CATSPERB: variants seen among roughly 807,000 people sequenced by gnomAD.
CATSPERB encodes the protein catsper channel auxiliary subunit beta.
Under a neutral mutation model 128.3 loss-of-function variants are expected in CATSPERB, and 93 were observed. The ratio of observed to expected loss-of-function variants is 0.72; its 90% confidence interval spans 0.61 to 0.86. The LOEUF (loss-of-function observed/expected upper bound fraction) is 0.86, where lower values mean the gene tolerates loss of function less well. Ranked by LOEUF, CATSPERB falls within the 40% of genes least tolerant of loss-of-function variation. CATSPERB has a pLI of 0.00. For missense variants in CATSPERB, 1,153 were observed against 1,329.5 expected (o/e 0.87, Z 2.06); for synonymous variants, 381 against 448.8 (o/e 0.85, Z 1.91).
intron 25 of CATSPERB, 60 bp downstream of exon 25, chr14:91,587,918 G>T (rs1289558613): frequency 1.9e-6 from 2 of 1,061,484 alleles, no homozygotes; most frequent in Non-Finnish European, 2.9e-6. Context: ...ACCAATCTTA[G>T]TTTAGACATA....
intron 17 of CATSPERB, among the ~76,000 whole-genome samples, chr14:91,627,281 A>T (rs1193891567): frequency 1.3e-5 from 2 of 152,216 alleles, no homozygotes; most frequent in African/African-American, 4.8e-5. Flanking sequence ...TACTAGGAGA[A>T]AATATTTTCA....
chr14:91,631,874 T>G (rs1335883970), intron 17 of CATSPERB, among the ~76,000 whole-genome samples: 1 of 152,064 alleles, frequency 6.6e-6, no homozygotes, highest in Non-Finnish European at 1.5e-5. Context: ...ATAAAGTTAT[T>G]AAGTAACTTT....
chr14:91,591,864 G>C (rs1893410078), intron 23 of CATSPERB, 28 bp downstream of exon 23: 1 of 1,423,088 alleles, frequency 7.0e-7, no homozygotes, highest in Non-Finnish European at 9.9e-7. Flanking sequence ...AAAGTATCCT[G>C]TATTCAGGTA....
At chr14:91,678,450 T>C (rs2139836173) in intron 11 of CATSPERB, among the ~76,000 whole-genome samples, 1 of 152,306 alleles carries the variant, frequency 6.6e-6, no homozygotes, top group Admixed American at 6.5e-5. Context: ...TAAAAGCTAT[T>C]GGATATTTGT....
At position 91,589,516 on chromosome 14, in the gene CATSPERB, G is replaced by C; in HGVS notation, c.2956+18C>G. The stretch of plus-strand genomic sequence containing the variant: ...TTACTTATCAGATAAAATAATTACA[G>C]ATGAAAGCAAACCCTACTCAGTTTC... On this transcript the variant is annotated intron_variant, in intron 24 of 26. Coordinates refer to ENST00000256343, the MANE Select transcript of CATSPERB (RefSeq NM_024764.4). 1 of 1,603,396 alleles carries C rather than the reference G, an allele frequency of 6.2e-7. No homozygotes were observed. The highest frequency in any genetic ancestry group is 8.5e-7 in the Non-Finnish European group (1 of 1,174,758).
intron 7 of CATSPERB, among the ~76,000 whole-genome samples, chr14:91,696,539 G>T (rs1895565882): frequency 6.6e-6 from 1 of 152,146 alleles, no homozygotes; most frequent in Non-Finnish European, 1.5e-5. Flanking sequence ...AGATAAAATG[G>T]GAGGTGGAAA....
At position 91,672,975 on chromosome 14, in the gene CATSPERB, C is replaced by G. The variant is rs1895125537; in HGVS notation, c.1020G>C (p.Trp340Cys). The G allele has an allele frequency of 6.3e-6, 10 of 1,588,298 alleles. No homozygotes were observed. Among genetic ancestry groups the G allele is most frequent in the Non-Finnish European group, 8.5e-6 (10 of 1,174,050 alleles). Residue 340 changes from tryptophan to cysteine, a missense_variant, in exon 13 of 27, where the codon TGG becomes TGC. By Grantham distance (215) the Trp-to-Cys change is radical. Coordinates refer to ENST00000256343, the MANE Select transcript of CATSPERB (RefSeq NM_024764.4). Reference sequence around the variant, plus strand: ...TAAAAATGTGAGGTAAGCAGGGTACCCATTCAAGAAATGGTTCCTGACTAT... The same window carrying G: ...TAAAAATGTGAGGTAAGCAGGGTACGCATTCAAGAAATGGTTCCTGACTAT... ...CFYSQEPFLE[W>C]VPCLPHIFKG...
Position 91,608,343 on chromosome 14 carries a change from T to C in CATSPERB, c.2660A>G (p.His887Arg). The change falls in exon 22 of 27, where the codon CAT (histidine) becomes CGT (arginine). Residue 887 changes from histidine (H) to arginine (R), a missense_variant. Physicochemically the swap from His to Arg is conservative, Grantham distance 29. Transcript: ENST00000256343. ...IAIPLTDNFY[H>R]ADPSKPIPRN... ...TGGTATGGGTTTGCTAGGATCTGCA[T>C]GATAAAAATTATCTGTGAGTGGAAT... is the stretch of plus-strand genomic sequence containing the variant. The C allele has an allele frequency of 6.2e-7, 1 of 1,613,022 alleles. No individual in the cohort carries two copies. Among genetic ancestry groups the C allele is most frequent in the Non-Finnish European group, 8.5e-7 (1 of 1,179,124 alleles).
chr14:91,656,291 A>G (rs190803783), intron 15 of CATSPERB, among the ~76,000 whole-genome samples: 51 of 152,292 alleles, frequency 3.3e-4, no homozygotes, highest in Non-Finnish European at 6.8e-4. Context: ...ACAGAATATT[A>G]TAACATGTTA....
intron 19 of CATSPERB, 139 bp downstream of exon 19, chr14:91,621,469 G>A: frequency 1.6e-6 from 1 of 610,592 alleles, no homozygotes; most frequent in Non-Finnish European, 2.8e-6. Context: ...TCAATAATTA[G>A]GCACTAATAC....
intron 6 of CATSPERB, among the ~76,000 whole-genome samples, chr14:91,707,274 T>C (rs1444599214): frequency 6.6e-6 from 1 of 152,198 alleles, no homozygotes; most frequent in Non-Finnish European, 1.5e-5. Flanking sequence ...GTGAAGCTTT[T>C]TGCTGCAATT....
chr14:91,672,085 C>T (rs1343301320), intron 13 of CATSPERB, among the ~76,000 whole-genome samples: 1 of 151,892 alleles, frequency 6.6e-6, no homozygotes, highest in Non-Finnish European at 1.5e-5. Context: ...AAATTTTAAC[C>T]TCATCACTGA....
At chr14:91,616,565 G>A (rs1893938413) in intron 20 of CATSPERB, among the ~76,000 whole-genome samples, 1 of 152,044 alleles carries the variant, frequency 6.6e-6, no homozygotes, top group African/African-American at 2.4e-5. Context: ...TAGGAGTTTA[G>A]TAAGCTACAT....
At chr14:91,706,767 T>C (rs1895739765) in intron 6 of CATSPERB, among the ~76,000 whole-genome samples, 1 of 152,188 alleles carries the variant, frequency 6.6e-6, no homozygotes, top group Admixed American at 6.5e-5. Flanking sequence ...CATCCTCTAC[T>C]TGAATGCTTG....
rs1415832468 is a variant in CATSPERB, at chr14:91,638,186, TTTGC to T, written c.1587+906_1587+909del. The stretch of plus-strand genomic sequence containing the variant: ...AACCCCAGTCAAAAATGTTTGATAA[TTTGC>T]TGATGGTTTGAGAGTGTCCAGTTTT... On this transcript the variant is annotated intron_variant, in intron 16 of 26. Transcript: ENST00000256343. Among the ~76,000 whole-genome samples, 5 of 152,204 alleles carry T rather than the reference TTTGC, an allele frequency of 3.3e-5. No homozygotes were observed. The East Asian group carries it at 9.6e-4, about 29-fold the overall frequency.
chr14:91,709,438 T>C (rs1162655002), intron 5 of CATSPERB: 1 of 148,528 alleles, frequency 6.7e-6, no homozygotes, highest in Non-Finnish European at 1.5e-5. Context: ...CCCAGCACTT[T>C]GGGAGGCCGA....
intron 6 of CATSPERB, among the ~76,000 whole-genome samples, chr14:91,707,448 CAT>C (rs1491390468): frequency 1.3e-5 from 2 of 150,018 alleles, no homozygotes; most frequent in Admixed American, 6.7e-5. Flanking sequence ...TAATTAGTAA[CAT>C]TTTTTTTTTA....
At chr14:91,716,712 T>TACACACACAC (rs34934524) in intron 5 of CATSPERB, among the ~76,000 whole-genome samples, 23 of 137,620 alleles carry the variant, frequency 1.7e-4, no homozygotes, top group South Asian at 1.1e-3. Context: ...TTTACAAGCA[T>TACACACACAC]ACACACACAC....
intron 7 of CATSPERB, 64 bp from the exon 8 acceptor site, chr14:91,693,543 C>T (rs1300375973): frequency 5.0e-6 from 6 of 1,202,312 alleles, no homozygotes; most frequent in Non-Finnish European, 7.4e-6. Context: ...CCTTCAGGGG[C>T]AAGAGCCCAG....
Sources: gnomAD v4.1 joint callset for allele counts (sites outside exome capture counted in the v4.1 genomes callset) on GRCh38, gnomAD v4.1.1 for gene constraint, MANE v1.5 for transcripts, NCBI Gene and HGNC (gene_info 2026-07-23, HGNC 2026-07-21) for gene names.